The following RAD51D variants were observed in gnomAD, a reference collection of about 807,000 sequenced individuals.
RAD51D encodes the protein RAD51 paralog D.
Under a neutral mutation model 44.1 loss-of-function variants are expected in RAD51D, and 38 were observed. The observed-to-expected ratio is 0.86, with a 90% CI of 0.67 to 1.13. The LOEUF (loss-of-function observed/expected upper bound fraction) is 1.13, where lower values mean the gene tolerates loss of function less well. Among genes scored for constraint, RAD51D ranks in the 50% most tolerant of loss-of-function variants. The probability of loss-of-function intolerance (pLI) is 0.00; values close to 1 mark genes in which losing one functional copy is unlikely to be tolerated. For synonymous variants in RAD51D, 141 were observed against 166.6 expected, an observed-to-expected ratio of 0.85 and a Z score of 1.18; for missense variants, 390 against 414.0, an observed-to-expected ratio of 0.94 and a Z score of 0.50.
chr17:35,118,372 C>T, intron 3 of RAD51D, 129 bp downstream of exon 3: 1 of 775,010 alleles, frequency 1.3e-6, no homozygotes, highest in Admixed American at 2.0e-5. Context: ...TGTCCTGACC[C>T]CTTTCCTTCC....
chr17:35,100,565 G>C lies in RAD51D; in HGVS notation c.*388C>G. On this transcript the variant is annotated 3_prime_UTR_variant, in exon 10 of 10. Coordinates refer to ENST00000345365, the MANE Select transcript of RAD51D (RefSeq NM_002878.4). ...CAGCAGCAGCAAAGGCAAGTTAGAG[G>C]CTTTCCCGGCTTGGCCACTGCGCTA... The C allele has an allele frequency of 1.8e-6, 1 of 547,266 alleles. No homozygotes were observed. The highest frequency in any genetic ancestry group is 3.5e-6 in the Non-Finnish European group (1 of 285,818). 33.9% of individuals were successfully genotyped at this position (547,266 alleles called of 1,614,324 possible). A position where few individuals can be genotyped will look rare whatever the true frequency, so the allele number is the denominator to read the frequency against.
In RAD51D at chr17:35,103,557, G is replaced by A. The variant is rs748697766; in HGVS notation, c.577-13C>T. On this transcript the variant is annotated splice_polypyrimidine_tract_variant and intron_variant, in intron 6 of 9. Coordinates refer to ENST00000345365, the MANE Select transcript of RAD51D (RefSeq NM_002878.4). The surrounding 1 kb of genome is among the most constrained non-coding windows in gnomAD (Gnocchi z 4.1). Reference sequence around the variant, plus strand: ...AAGAACCAGTCACCTGAAGGAATGTGGGGGAAGCACTCATGAACCTGTCAG... The same window carrying A: ...AAGAACCAGTCACCTGAAGGAATGTAGGGGAAGCACTCATGAACCTGTCAG... The A allele has an allele frequency of 6.2e-7, 1 of 1,606,924 alleles. No individual in the cohort carries two copies. The highest frequency in any genetic ancestry group is 8.5e-7 in the Non-Finnish European group (1 of 1,173,450).
In RAD51D at chr17:35,119,113, T is replaced by C. The variant is rs2091787642; in HGVS notation, c.142A>G (p.Lys48Glu). 6.2e-7 allele frequency: 1 copy of C among 1,613,282 alleles called. No homozygotes were observed. Reference sequence around the variant, plus strand: ...GAATGTGGAGATCAGGAGCTCACCTTGTAAGACAAGCCACATTTCTGAGCT... The same window carrying C: ...GAATGTGGAGATCAGGAGCTCACCTCGTAAGACAAGCCACATTTCTGAGCT... ...EVAQKCGLSYKALVALRRVLL... is the reference protein window; with the variant it reads ...EVAQKCGLSYEALVALRRVLL... The change falls in exon 2 of 10, where the codon AAG becomes GAG. Residue 48 changes from lysine to glutamate, a missense_variant and splice_region_variant. Physicochemically the swap from Lys to Glu is moderately conservative, Grantham distance 56. Coordinates refer to ENST00000345365, the MANE Select transcript of RAD51D (RefSeq NM_002878.4).
At chr17:35,110,957 T>C (rs2091667389) in intron 3 of RAD51D, among the ~76,000 whole-genome samples, 1 of 148,476 alleles carries the variant, frequency 6.7e-6, no homozygotes, top group South Asian at 2.1e-4. Context: ...AATACAAGAT[T>C]AGCTGGGCAT....
chr17:35,101,469 A>G (rs2142413321), intron 8 of RAD51D, 104 bp from the exon 9 acceptor site: 1 of 1,279,138 alleles, frequency 7.8e-7, no homozygotes, highest in Admixed American at 1.7e-5. Flanking sequence ...GCACAGAGAA[A>G]TAACTTCCCC....
intron 3 of RAD51D, among the ~76,000 whole-genome samples, chr17:35,110,323 T>A (rs2091659912): frequency 6.6e-6 from 1 of 152,186 alleles, no homozygotes; most frequent in Admixed American, 6.5e-5. Flanking sequence ...AAGAATTCTT[T>A]CTTCATTCTA....
intron 3 of RAD51D, chr17:35,116,868 C>T (rs2091754857): frequency 6.5e-7 from 1 of 1,545,118 alleles, no homozygotes; most frequent in East Asian, 2.4e-5. Flanking sequence ...CCGTGAAGTG[C>T]TGACCGCAGT....
chr17:35,119,068 T>C, intron 2 of RAD51D, 43 bp downstream of exon 2: 1 of 1,586,256 alleles, frequency 6.3e-7, no homozygotes, highest in African/African-American at 1.3e-5. Flanking sequence ...ATGGACTTTT[T>C]AAAAAGACAC....
At chr17:35,114,123 T>C (rs929210729) in intron 3 of RAD51D, among the ~76,000 whole-genome samples, 2 of 151,928 alleles carry the variant, frequency 1.3e-5, no homozygotes, top group East Asian at 3.9e-4. Context: ...ATACAAAAAA[T>C]TAGCTGGGCG....
intron 3 of RAD51D, among the ~76,000 whole-genome samples, chr17:35,109,410 A>G (rs1390871588): frequency 6.6e-6 from 1 of 152,194 alleles, no homozygotes; most frequent in East Asian, 1.9e-4. Flanking sequence ...CAACGTTGGG[A>G]TAAATGCCCA....
In RAD51D at chr17:35,101,312, G is replaced by C. The variant is rs536544621; in HGVS notation, c.792C>G (p.Leu264=). The C allele has an allele frequency of 3.1e-6, 5 of 1,614,130 alleles. No individual in the cohort carries two copies. In the African/African-American group the frequency reaches 5.3e-5, roughly 17 times the overall value. Residue 264 remains leucine, a synonymous_variant, in exon 9 of 10, where the codon CTC becomes CTG. Transcript: ENST00000345365. ...DRDSGRLKPA[L]GRSWSFVPST... ...TGGGCACAAAGCTCCAGGAGCGTCC[G>C]AGGGCAGGTTTGAGCCTCCCGCTGT...
chr17:35,115,820 A>G (rs928128369), intron 3 of RAD51D, among the ~76,000 whole-genome samples: 4 of 151,460 alleles, frequency 2.6e-5, no homozygotes, highest in African/African-American at 9.7e-5. Context: ...CAGTGAGCCG[A>G]GATCACGCCA....
rs949152307 is a variant in RAD51D at position 35,095,147 on chromosome 17, T to C, written c.*5806A>G. ...CTGCACCAATGAGATTTGAGGTGAG[T>C]CAGCTTTGGTTGGAAGTTAGTTCTG... is the stretch of plus-strand genomic sequence containing the variant. On this transcript the variant is annotated 3_prime_UTR_variant, in exon 10 of 10. Transcript: ENST00000345365. 6.6e-6 allele frequency: 1 copy of C among 152,134 alleles called. No individual in the cohort carries two copies. Among genetic ancestry groups the C allele is most frequent in the Non-Finnish European group, 1.5e-5 (1 of 68,056 alleles). 9.4% of individuals were successfully genotyped at this position (152,134 alleles called of 1,614,324 possible).
At chr17:35,112,459 C>A (rs1273173495) in intron 3 of RAD51D, among the ~76,000 whole-genome samples, 1 of 151,936 alleles carries the variant, frequency 6.6e-6, no homozygotes, top group Non-Finnish European at 1.5e-5. Flanking sequence ...CTCACTGTAA[C>A]CTGCATCTCC....
intron 3 of RAD51D, chr17:35,115,418 G>T: frequency 2.4e-6 from 1 of 423,006 alleles, no homozygotes; most frequent in East Asian, 7.0e-5. Flanking sequence ...CACCCTGTAA[G>T]GAATCATTGC....
At position 35,106,489 on chromosome 17, in the gene RAD51D, G is replaced by C. The variant is rs762247126; in HGVS notation, c.481-8C>G. On this transcript the variant is annotated splice_region_variant and splice_polypyrimidine_tract_variant and intron_variant, in intron 5 of 9. Coordinates refer to ENST00000345365, the MANE Select transcript of RAD51D (RefSeq NM_002878.4). ...CCTCCGGAGAGCTTCTGCCTGAAGC[G>C]GTGGAAAAGAAAAGCAAGGACTTTG... The C allele has an allele frequency of 6.2e-7, 1 of 1,606,222 alleles. No homozygotes were observed.
intron 3 of RAD51D, among the ~76,000 whole-genome samples, chr17:35,110,269 C>A (rs949926463): frequency 1.3e-5 from 2 of 152,014 alleles, no homozygotes; most frequent in African/African-American, 4.8e-5. Context: ...CCAGCCCTTG[C>A]CCATTTTCTA....
At chr17:35,108,542 C>T (rs960086179) in intron 3 of RAD51D, among the ~76,000 whole-genome samples, 8 of 136,646 alleles carry the variant, frequency 5.9e-5, no homozygotes, top group African/African-American at 1.9e-4. Flanking sequence ...GTATATCACA[C>T]AAGTAGCAAA....
At chr17:35,118,922 T>C (rs2091784040) in intron 2 of RAD51D, among the ~76,000 whole-genome samples, 189 bp downstream of exon 2, 1 of 152,204 alleles carries the variant, frequency 6.6e-6, no homozygotes, top group Non-Finnish European at 1.5e-5. Context: ...TTTGTATTTT[T>C]AGTAGGGACA....
Sources: allele counts gnomAD v4.1 joint callset (sites outside exome capture counted in the v4.1 genomes callset), GRCh38; gene constraint gnomAD v4.1.1; non-coding constraint Gnocchi (gnomAD v3.1); transcripts MANE v1.5; gene names NCBI Gene and HGNC (gene_info 2026-07-23, HGNC 2026-07-21).